The following TSPAN15 variants were observed in gnomAD, a reference collection of about 807,000 sequenced individuals.
TSPAN15 encodes the protein tetraspanin-15.
TSPAN15 carries 20 observed loss-of-function variants against 34.5 expected under a neutral mutation model. The ratio of observed to expected loss-of-function variants is 0.58; its 90% CI spans 0.41 to 0.84. The LOEUF (loss-of-function observed/expected upper bound fraction) is 0.84. TSPAN15 is among the 40% of genes least tolerant of loss of function. TSPAN15 has a pLI of 0.00. For synonymous variants in TSPAN15, 155 were observed against 153.9 expected (o/e 1.01, Z -0.05); for missense variants, 313 against 386.1 (o/e 0.81, Z 1.59).
chr10:69,479,694 A>G (rs1398384413), intron 1 of TSPAN15, among the ~76,000 whole-genome samples: 1 of 152,258 alleles, frequency 6.6e-6, no homozygotes, highest in Non-Finnish European at 1.5e-5. Flanking sequence ...TCAGATGGAT[A>G]AACTGATGTC....
chr10:69,508,468 A>AAAAAG (rs1554835861), downstream of TSPAN15, among the ~76,000 whole-genome samples: 193 of 139,116 alleles, frequency 1.4e-3, no homozygotes, highest in African/African-American at 3.3e-3. Flanking sequence ...AAAAAAAAAA[A>AAAAAG]AAGAAGAAGA....
In TSPAN15 at chr10:69,451,710, C is replaced by T; in HGVS notation, c.96+20C>T. On this transcript the variant is annotated intron_variant, in intron 1 of 7. Transcript: ENST00000373290. ...TTCTGGGTGAGTGACCCCAGTAGGGCCCGGGGATGGGGGTGGGGACCCACA... is the reference window on the plus strand; with the variant it reads ...TTCTGGGTGAGTGACCCCAGTAGGGTCCGGGGATGGGGGTGGGGACCCACA... The T allele has an allele frequency of 2.1e-6, 3 of 1,446,058 alleles. No homozygotes were observed. Among genetic ancestry groups the T allele is most frequent in the Non-Finnish European group, 2.8e-6 (3 of 1,089,066 alleles). The allele number at this position is 1,446,058 out of a possible 1,614,324, so 89.6% of individuals were successfully genotyped here.
chr10:69,532,754 G>A, the TSPAN15 span, among the ~76,000 whole-genome samples: 2 of 152,166 alleles, frequency 1.3e-5, no homozygotes, highest in Admixed American at 6.5e-5. Flanking sequence ...CCCACAGAGT[G>A]GGAGAAAATC....
intron 6 of TSPAN15, among the ~76,000 whole-genome samples, chr10:69,505,426 C>A (rs1037813223): frequency 6.6e-6 from 1 of 152,184 alleles, no homozygotes; most frequent in African/African-American, 2.4e-5. Flanking sequence ...CCATGGGCAT[C>A]ATTTTTGCCA....
the TSPAN15 span, among the ~76,000 whole-genome samples, chr10:69,539,426 A>AGG: frequency 4.5e-5 from 5 of 111,964 alleles, no homozygotes; most frequent in Admixed American, 1.8e-4. Context: ...GAAGAAGAAG[A>AGG]AAGAAGAAGA....
At chr10:69,502,214 A>G (rs1842225273) in intron 5 of TSPAN15, among the ~76,000 whole-genome samples, 1 of 152,176 alleles carries the variant, frequency 6.6e-6, no homozygotes, top group African/African-American at 2.4e-5. Flanking sequence ...TGAGCTTCCA[A>G]TAGAGGATTT....
At chr10:69,539,109 T>G in the TSPAN15 span, among the ~76,000 whole-genome samples, 1 of 151,802 alleles carries the variant, frequency 6.6e-6, no homozygotes. Context: ...GTTGATAGAG[T>G]AGGAACCAGG....
intron 4 of TSPAN15, among the ~76,000 whole-genome samples, chr10:69,495,907 A>G (rs1864588): frequency 0.12 from 17,963 of 151,988 alleles, 1,120 homozygotes; most frequent in South Asian, 0.13. Context: ...CACATTCCTG[A>G]CCCAAAACCT....
intron 1 of TSPAN15, among the ~76,000 whole-genome samples, chr10:69,477,471 G>A (rs1014898062): frequency 7.9e-5 from 12 of 152,134 alleles, no homozygotes; most frequent in Admixed American, 2.0e-4. Context: ...AGTGGTGAGG[G>A]GCAGCACCAG....
At chr10:69,515,988 A>G in the TSPAN15 span, among the ~76,000 whole-genome samples, 2 of 152,212 alleles carry the variant, frequency 1.3e-5, no homozygotes, top group African/African-American at 4.8e-5. Flanking sequence ...TCCTGATTGT[A>G]GTAGGTGCTC....
intron 1 of TSPAN15, among the ~76,000 whole-genome samples, chr10:69,465,719 C>G (rs1437439289): frequency 6.6e-6 from 1 of 152,182 alleles, no homozygotes; most frequent in Non-Finnish European, 1.5e-5. Flanking sequence ...GGCAGACTTA[C>G]CAGCTTCCTT....
chr10:69,506,354 G>A lies in TSPAN15; in HGVS notation c.735+114G>A, dbSNP rs1842327536. The A allele has an allele frequency of 9.9e-7, 1 of 1,014,034 alleles. No homozygotes were observed. Among genetic ancestry groups the A allele is most frequent in the Non-Finnish European group, 1.5e-6 (1 of 673,598 alleles). 62.8% of individuals were successfully genotyped at this position (1,014,034 alleles called of 1,614,324 possible). A position where few individuals can be genotyped will look rare whatever the true frequency, so the allele number is the denominator to read the frequency against. ...TTCATAGAAGTCCAGGACTTGCCTG[G>A]GGAGGGCTGCATGGCTGGAAGGAGG... On this transcript the variant is annotated intron_variant, in intron 7 of 7. Transcript: ENST00000373290. This position sits in a 1 kb window ranked among gnomAD's most constrained non-coding sequence, Gnocchi z 4.7.
At chr10:69,483,997 TC>T in intron 2 of TSPAN15, 121 bp downstream of exon 2, 1 of 1,075,912 alleles carries the variant, frequency 9.3e-7, no homozygotes, top group Non-Finnish European at 1.3e-6. Context: ...TTTAGAGAGC[TC>T]CTTAGATCAG....
chr10:69,517,933 C>A, the TSPAN15 span, among the ~76,000 whole-genome samples: 2 of 152,226 alleles, frequency 1.3e-5, no homozygotes, highest in Non-Finnish European at 2.9e-5. Flanking sequence ...GCGAGGATTG[C>A]GTCTTACGAT....
chr10:69,544,656 G>C, the TSPAN15 span, among the ~76,000 whole-genome samples: 4 of 152,212 alleles, frequency 2.6e-5, no homozygotes, highest in African/African-American at 4.8e-5. Context: ...GGAAAAGAGA[G>C]GCAAAGTTAG....
rs747828046 is a variant in TSPAN15, at chr10:69,507,250, C to G, written c.*272C>G. ...AGGCCCTCCTTTCTCCAGGCCTGGGCTACGGGGGAGGGAGAGCCTGAGGCT... is the reference window on the plus strand; with the variant it reads ...AGGCCCTCCTTTCTCCAGGCCTGGGGTACGGGGGAGGGAGAGCCTGAGGCT... On this transcript the variant is annotated 3_prime_UTR_variant, in exon 8 of 8. Coordinates refer to ENST00000373290, the MANE Select transcript of TSPAN15 (RefSeq NM_012339.5). The G allele has an allele frequency of 3.6e-5, 49 of 1,372,238 alleles. No homozygotes were observed. Among genetic ancestry groups the G allele is most frequent in the Non-Finnish European group, 4.6e-5 (49 of 1,064,806 alleles). 85.0% of individuals were successfully genotyped at this position (1,372,238 alleles called of 1,614,324 possible).
At chr10:69,484,359 T>C (rs996130561) in intron 2 of TSPAN15, among the ~76,000 whole-genome samples, 1 of 152,198 alleles carries the variant, frequency 6.6e-6, no homozygotes, top group Non-Finnish European at 1.5e-5. Flanking sequence ...AGGAAATCTT[T>C]CCTACCAGCT....
intron 5 of TSPAN15, among the ~76,000 whole-genome samples, chr10:69,499,303 G>T (rs115617278): frequency 3.3e-5 from 5 of 152,266 alleles, no homozygotes; most frequent in Admixed American, 2.0e-4. Flanking sequence ...TGGGGGCCTC[G>T]CCCATGAGTC....
At chr10:69,519,686 AT>A in the TSPAN15 span, among the ~76,000 whole-genome samples, 5 of 152,050 alleles carry the variant, frequency 3.3e-5, no homozygotes, top group African/African-American at 9.6e-5. Context: ...TTTTTGGTGA[AT>A]TTTTTTTATT....
Sources: gnomAD v4.1 joint callset for allele counts (sites outside exome capture counted in the v4.1 genomes callset) on GRCh38, gnomAD v4.1.1 for gene constraint, Gnocchi (gnomAD v3.1) non-coding constraint, MANE v1.5 for transcripts, NCBI Gene and HGNC (gene_info 2026-07-23, HGNC 2026-07-21) for gene names.